Variants in GRID2 observed in about 807,000 individuals in gnomAD.
GRID2 encodes the protein glutamate receptor ionotropic, delta-2.
In GRID2, 33 loss-of-function variants were observed where a neutral mutation model predicts 114.8. The ratio of observed to expected loss-of-function variants is 0.29; its 90% CI spans 0.22 to 0.38. The LOEUF (loss-of-function observed/expected upper bound fraction) is 0.38, where lower values mean the gene tolerates loss of function less well. Among genes scored for constraint, GRID2 ranks in the 10% least tolerant of loss-of-function variants. GRID2 has a pLI of 1.00. For synonymous variants in GRID2, 505 were observed against 449.9 expected (o/e 1.12, Z -1.55); for missense variants, 1,184 against 1,257.7 (o/e 0.94, Z 0.89).
At chr4:93,768,221 T>A (rs1017305828) in intron 14 of GRID2, among the ~76,000 whole-genome samples, 24 of 152,202 alleles carry the variant, frequency 1.6e-4, no homozygotes, top group Non-Finnish European at 1.0e-4. Flanking sequence ...TGGCAGGCCC[T>A]GGAAGAGCAC....
intron 4 of GRID2, among the ~76,000 whole-genome samples, chr4:93,139,443 G>T (rs1308787267): frequency 6.6e-6 from 1 of 152,154 alleles, no homozygotes; most frequent in Non-Finnish European, 1.5e-5. Flanking sequence ...AACCAGGGGG[G>T]ATGATGGAGG....
chr4:92,900,695 G>A (rs192445895), intron 2 of GRID2, among the ~76,000 whole-genome samples: 160 of 152,142 alleles, frequency 1.1e-3, no homozygotes, highest in Non-Finnish European at 1.9e-3. Context: ...TTATCCAGGC[G>A]TGGTGGCATG....
chr4:93,633,782 G>T (rs1012891662), intron 14 of GRID2, among the ~76,000 whole-genome samples: 1 of 152,044 alleles, frequency 6.6e-6, no homozygotes, highest in African/African-American at 2.4e-5. Context: ...TAATTTTTAT[G>T]CTTTTTCCCA....
intron 14 of GRID2, among the ~76,000 whole-genome samples, chr4:93,732,224 AT>A (rs1578687640): frequency 6.6e-6 from 1 of 152,164 alleles, no homozygotes; most frequent in Non-Finnish European, 1.5e-5. Flanking sequence ...AGGATTTATT[AT>A]ACTTTTTATG....
At chr4:92,654,218 A>G (rs35668098) in intron 2 of GRID2, among the ~76,000 whole-genome samples, 25,010 of 151,830 alleles carry the variant, frequency 0.16, 2,602 homozygotes, top group East Asian at 0.29. Flanking sequence ...GTGAGGGCCC[A>G]CTTCCTGACT....
chr4:92,505,565 C>T (rs1410856878), intron 1 of GRID2, among the ~76,000 whole-genome samples: 1 of 151,878 alleles, frequency 6.6e-6, no homozygotes, highest in East Asian at 1.9e-4. Context: ...GAATTTAATG[C>T]CACATGTGCC....
intron 14 of GRID2, among the ~76,000 whole-genome samples, chr4:93,670,378 A>G (rs1724307358): frequency 6.6e-6 from 1 of 152,142 alleles, no homozygotes; most frequent in Non-Finnish European, 1.5e-5. Flanking sequence ...AAGAAGCAAA[A>G]GTCATATTTT....
chr4:92,819,975 G>A (rs1390955070), intron 2 of GRID2, among the ~76,000 whole-genome samples: 6 of 151,980 alleles, frequency 3.9e-5, no homozygotes, highest in Admixed American at 2.0e-4. Flanking sequence ...ATAGAATTTC[G>A]ATGAGTTAAC....
intron 14 of GRID2, among the ~76,000 whole-genome samples, chr4:93,724,363 G>A (rs561835232): frequency 8.2e-4 from 125 of 152,174 alleles, no homozygotes; most frequent in South Asian, 5.8e-3. Flanking sequence ...TAATTTCATG[G>A]CCTATAATTT....
At chr4:92,542,626 G>A (rs1196939210) in intron 1 of GRID2, among the ~76,000 whole-genome samples, 2 of 151,932 alleles carry the variant, frequency 1.3e-5, no homozygotes, top group Admixed American at 6.6e-5. Context: ...CTGGGGACTC[G>A]GTGGGAGGGT....
intron 13 of GRID2, among the ~76,000 whole-genome samples, chr4:93,619,870 G>A (rs747789831): frequency 4.6e-5 from 7 of 152,054 alleles, no homozygotes; most frequent in Non-Finnish European, 1.0e-4. Flanking sequence ...ATTTCTTTAC[G>A]TAACTGTTGT....
chr4:93,304,616 C>T (rs1256420371), intron 8 of GRID2, among the ~76,000 whole-genome samples: 1 of 152,016 alleles, frequency 6.6e-6, no homozygotes, highest in African/African-American at 2.4e-5. Context: ...TTAACACACA[C>T]TACAAGGAAT....
intron 2 of GRID2, among the ~76,000 whole-genome samples, chr4:92,739,197 T>C (rs1379232591): frequency 3.9e-5 from 6 of 152,296 alleles, no homozygotes; most frequent in Admixed American, 3.3e-4. Context: ...CCCTAGAACA[T>C]GACAACTTTA....
At chr4:93,691,554 T>A (rs752373102) in intron 14 of GRID2, among the ~76,000 whole-genome samples, 19 of 152,106 alleles carry the variant, frequency 1.2e-4, no homozygotes, top group Admixed American at 9.2e-4. Flanking sequence ...TAGAAGTTAT[T>A]TAACTTTGCT....
intron 2 of GRID2, among the ~76,000 whole-genome samples, chr4:92,972,844 G>A (rs1453909320): frequency 6.6e-6 from 1 of 152,038 alleles, no homozygotes; most frequent in African/African-American, 2.4e-5. Context: ...ACTTATAAGT[G>A]ATAACATGCA....
chr4:93,165,932 A>G (rs1738208087), intron 4 of GRID2: 1 of 152,146 alleles, frequency 6.6e-6, no homozygotes, highest in Admixed American at 6.6e-5. Context: ...TTGAATATCT[A>G]TATTGTTACA....
chr4:93,649,309 G>A (rs1428498933), intron 14 of GRID2, among the ~76,000 whole-genome samples: 1 of 152,102 alleles, frequency 6.6e-6, no homozygotes, highest in African/African-American at 2.4e-5. Context: ...GTTAACTAAT[G>A]CATTGGGTAG....
intron 1 of GRID2, among the ~76,000 whole-genome samples, chr4:92,355,313 A>G (rs560133645): frequency 9.5e-4 from 144 of 151,920 alleles, no homozygotes; most frequent in Non-Finnish European, 1.8e-3. Flanking sequence ...GGACTAATTG[A>G]TAATTTTACA....
intron 1 of GRID2, among the ~76,000 whole-genome samples, chr4:92,342,366 A>G (rs1456730665): frequency 6.6e-6 from 1 of 152,202 alleles, no homozygotes; most frequent in African/African-American, 2.4e-5. Context: ...GTATTTGTTT[A>G]AATAGTGAAA....
Sources: gnomAD v4.1 joint callset for allele counts (sites outside exome capture counted in the v4.1 genomes callset) on GRCh38, gnomAD v4.1.1 for gene constraint, MANE v1.5 for transcripts, NCBI Gene and HGNC (gene_info 2026-07-23, HGNC 2026-07-21) for gene names.